SNAP91: variants seen among roughly 807,000 people sequenced by gnomAD.
The protein encoded by SNAP91 is synaptosome associated protein 91, also known as clathrin coat assembly protein AP180.
Under a neutral mutation model 100.3 loss-of-function variants are expected in SNAP91, and 27 were observed. The observed-to-expected ratio is 0.27, with a 90% confidence interval of 0.20 to 0.37. SNAP91 has a LOEUF of 0.37. SNAP91 is among the 10% of genes least tolerant of loss of function. The pLI is 1.00. For synonymous variants in SNAP91, 404 were observed against 398.6 expected (o/e 1.01, Z -0.16); for missense variants, 986 against 1,123.7 (o/e 0.88, Z 1.75).
At chr6:83,642,625 C>T (rs13200250) in intron 7 of SNAP91, among the ~76,000 whole-genome samples, 46,210 of 152,124 alleles carry the variant, frequency 0.3, 7,235 homozygotes, top group South Asian at 0.37. Context: ...GTCTTTGCTA[C>T]TGTGAACAGT....
At chr6:83,595,928 TG>T (rs1033319732) in intron 16 of SNAP91, among the ~76,000 whole-genome samples, 7 of 152,340 alleles carry the variant, frequency 4.6e-5, no homozygotes, top group African/African-American at 1.7e-4. Flanking sequence ...GATACTTACT[TG>T]GGTTAAAAGG....
chr6:83,580,446 T>C lies in SNAP91; in HGVS notation c.2299+4A>G. ...AGAAAAAAAAAAAAAACTAGATTAC[T>C]CACTGCCTACTAAGCTGGCAAGAGA... is the stretch of plus-strand genomic sequence containing the variant. On this transcript the variant is annotated splice_donor_region_variant and intron_variant, in intron 24 of 29. Transcript: ENST00000369694. The C allele has an allele frequency of 6.3e-7, 1 of 1,589,190 alleles. No individual in the cohort carries two copies. Among genetic ancestry groups the C allele is most frequent in the South Asian group, 1.2e-5 (1 of 85,530 alleles).
At chr6:83,700,860 A>G (rs1237806086) in intron 2 of SNAP91, among the ~76,000 whole-genome samples, 2 of 152,050 alleles carry the variant, frequency 1.3e-5, no homozygotes, top group African/African-American at 4.8e-5. Flanking sequence ...GGCCTCCCAG[A>G]GTGTTGGTAT....
chr6:83,594,183 T>C (rs1005751754), intron 17 of SNAP91, among the ~76,000 whole-genome samples, 191 bp downstream of exon 17: 1 of 152,218 alleles, frequency 6.6e-6, no homozygotes, highest in Non-Finnish European at 1.5e-5. Flanking sequence ...TCTTAAGAAA[T>C]TGTCAATTTT....
rs1773615738 is a variant in SNAP91 at position 83,553,321 on chromosome 6, TGAAG to T, written c.*971_*974del. The T allele has an allele frequency of 6.6e-6, 1 of 152,362 alleles. No homozygotes were observed. The highest frequency in any genetic ancestry group is 1.5e-5 in the Non-Finnish European group (1 of 68,028). 9.4% of individuals were successfully genotyped at this position (152,362 alleles called of 1,614,324 possible). On this transcript the variant is annotated 3_prime_UTR_variant, in exon 30 of 30. Transcript: ENST00000369694. ...CAACAAAACCTACTTTGAGCTCAGT[TGAAG>T]GATGGAAGAACACTAGTCTACAAAA...
At position 83,573,738 on chromosome 6, in the gene SNAP91, T is replaced by G. The variant is rs1303365591; in HGVS notation, c.2442+1272A>C. On this transcript the variant is annotated intron_variant, in intron 26 of 29. Transcript: ENST00000369694. ...ATTTAATAAATGATGCTGGGAAAAC[T>G]GGCTAGCCATATGCAGAAAGCTGAA... Among the ~76,000 whole-genome samples, 3 of 152,222 alleles carry G rather than the reference T, an allele frequency of 2.0e-5. No homozygotes were observed. In the East Asian group the frequency reaches 5.8e-4, roughly 29 times the overall value.
At chr6:83,666,473 C>A (rs2098688278) in intron 2 of SNAP91, among the ~76,000 whole-genome samples, 2 of 152,092 alleles carry the variant, frequency 1.3e-5, no homozygotes, top group South Asian at 2.1e-4. Context: ...CAGAGACCTG[C>A]ATGTGATACC....
chr6:83,695,884 A>C (rs1382755870), intron 2 of SNAP91, among the ~76,000 whole-genome samples: 1 of 147,110 alleles, frequency 6.8e-6, no homozygotes, highest in Admixed American at 6.8e-5. Context: ...AATGCAATAA[A>C]ATATAACTAA....
rs562738764 is a variant in SNAP91, at chr6:83,590,514, C to T, written c.2014+697G>A. 3.3e-5 allele frequency among the ~76,000 whole-genome samples: 5 copies of T among 151,604 alleles called. No homozygotes were observed. The South Asian group carries it at 1.0e-3, about 32-fold the overall frequency. On this transcript the variant is annotated intron_variant, in intron 22 of 29. Coordinates refer to ENST00000369694, the MANE Select transcript of SNAP91 (RefSeq NM_001242792.2). Reference sequence around the variant, plus strand: ...TATGACCCTGTTGAGCTGAGATCACCCCATGAGTTTTCACATAGAAAAATG... The same window carrying T: ...TATGACCCTGTTGAGCTGAGATCACTCCATGAGTTTTCACATAGAAAAATG...
chr6:83,643,171 T>C (rs1585252416), intron 7 of SNAP91, among the ~76,000 whole-genome samples: 1 of 152,352 alleles, frequency 6.6e-6, no homozygotes, highest in Admixed American at 6.5e-5. Context: ...TTTCTTTTGC[T>C]GTGCAGAAGC....
At chr6:83,672,321 G>C (rs2098799259) in intron 2 of SNAP91, among the ~76,000 whole-genome samples, 1 of 152,044 alleles carries the variant, frequency 6.6e-6, no homozygotes, top group Non-Finnish European at 1.5e-5. Context: ...TAAGGCAAAG[G>C]ACATGGGACT....
intron 11 of SNAP91, 81 bp downstream of exon 11, chr6:83,614,776 A>G: frequency 3.9e-6 from 4 of 1,026,844 alleles, no homozygotes; most frequent in Non-Finnish European, 5.7e-6. Flanking sequence ...TCTTCTAAAT[A>G]CCAAATGTGG....
At chr6:83,628,617 G>A (rs886131611) in intron 8 of SNAP91, among the ~76,000 whole-genome samples, 9 of 151,588 alleles carry the variant, frequency 5.9e-5, no homozygotes, top group East Asian at 1.9e-4. Context: ...TTCCCTGATC[G>A]TTAGTGATGT....
At chr6:83,607,931 A>C in intron 12 of SNAP91, 123 bp from the exon 13 acceptor site, 1 of 437,548 alleles carries the variant, frequency 2.3e-6, no homozygotes, top group Non-Finnish European at 4.1e-6. Flanking sequence ...TTCTTTGTGG[A>C]GGAAAAAAAA....
At chr6:83,569,468 G>C (rs1454204857) in intron 26 of SNAP91, among the ~76,000 whole-genome samples, 1 of 152,196 alleles carries the variant, frequency 6.6e-6, no homozygotes, top group Admixed American at 6.5e-5. Context: ...TTAAGTACTT[G>C]ATGAATTCTT....
In SNAP91 at chr6:83,631,089, G is replaced by A. The variant is rs545081558; in HGVS notation, c.766-7747C>T. ...ATTTTTTGATTTTCATTTTGATTTC[G>A]TTTTTGACCCAATGCTCATTCAGGG... On this transcript the variant is annotated intron_variant, in intron 8 of 29. Transcript: ENST00000369694. Among the ~76,000 whole-genome samples the A allele has an allele frequency of 2.6e-4, 39 of 152,060 alleles. No homozygotes were observed. In the East Asian group the frequency reaches 3.1e-3, roughly 12 times the overall value.
At chr6:83,592,626 A>G in intron 20 of SNAP91, 88 bp from the exon 21 acceptor site, 10 of 1,064,362 alleles carry the variant, frequency 9.4e-6, no homozygotes, top group Non-Finnish European at 1.4e-5. Flanking sequence ...TTGGGATTTC[A>G]TGGTTCACTC....
At chr6:83,585,336 T>C (rs1382778146) in intron 22 of SNAP91, among the ~76,000 whole-genome samples, 2 of 152,072 alleles carry the variant, frequency 1.3e-5, no homozygotes, top group Non-Finnish European at 2.9e-5. Context: ...TAGCGAGACC[T>C]CATTTTTATA....
chr6:83,675,861 G>C (rs965522424), intron 2 of SNAP91, among the ~76,000 whole-genome samples: 556 of 31,286 alleles, frequency 0.018, 6 homozygotes, highest in East Asian at 0.16. Flanking sequence ...CACACACACA[G>C]AGTTATAATT....
Sources: gnomAD v4.1 joint callset for allele counts (sites outside exome capture counted in the v4.1 genomes callset) on GRCh38, gnomAD v4.1.1 for gene constraint, MANE v1.5 for transcripts, NCBI Gene and HGNC (gene_info 2026-07-23, HGNC 2026-07-21) for gene names.